Variants in CNOT10 observed in about 807,000 individuals in gnomAD.
CNOT10 encodes CCR4-NOT transcription complex subunit 10.
CNOT10 carries 30 observed loss-of-function variants against 94.6 expected under a neutral mutation model. That is an observed-to-expected ratio of 0.32 (90% CI 0.24 to 0.43). The LOEUF is 0.43. CNOT10 is among the 20% of genes least tolerant of loss of function. The probability of loss-of-function intolerance (pLI) is 1.00; values close to 1 mark genes in which losing one functional copy is unlikely to be tolerated. For synonymous variants in CNOT10, 289 were observed against 301.6 expected, an observed-to-expected ratio of 0.96 and a Z score of 0.43; for missense variants, 759 against 877.2, an observed-to-expected ratio of 0.87 and a Z score of 1.70.
intron 1 of CNOT10, among the ~76,000 whole-genome samples, chr3:32,694,009 A>G (rs1275023361): frequency 1.3e-5 from 2 of 152,170 alleles, no homozygotes; most frequent in Non-Finnish European, 2.9e-5. Context: ...AGTTATTCTC[A>G]GGAAATTTTT....
chr3:32,744,201 C>T (rs534273302), intron 13 of CNOT10, among the ~76,000 whole-genome samples: 1 of 152,274 alleles, frequency 6.6e-6, no homozygotes, highest in South Asian at 2.1e-4. Context: ...GGAGCCTGAG[C>T]ACTGTGTTTT....
At chr3:32,759,019 G>A (rs937310175) in intron 13 of CNOT10, among the ~76,000 whole-genome samples, 2 of 152,026 alleles carry the variant, frequency 1.3e-5, no homozygotes, top group African/African-American at 2.4e-5. Context: ...TTATTTCTTA[G>A]CATATCACAA....
At chr3:32,770,982 G>A (rs1050871880) in intron 18 of CNOT10, among the ~76,000 whole-genome samples, 6 of 152,022 alleles carry the variant, frequency 3.9e-5, no homozygotes, top group African/African-American at 1.2e-4. Context: ...TAAAGTGCTG[G>A]GATTATAGGC....
intron 6 of CNOT10, 52 bp from the exon 7 acceptor site, chr3:32,717,102 C>T: frequency 9.6e-7 from 1 of 1,036,420 alleles, no homozygotes; most frequent in Admixed American, 2.2e-5. Context: ...GAAAGTAAAA[C>T]TGTATGTAAA....
Position 32,759,550 on chromosome 3 carries a change from C to T in CNOT10, c.1688C>T (p.Pro563Leu). The change falls in exon 14 of 19, where the codon CCC becomes CTC. Residue 563 changes from proline (P) to leucine (L), a missense_variant. By Grantham distance (98) the Pro-to-Leu change is moderately conservative (BLOSUM62 -3). Transcript: ENST00000328834. Reference sequence around the variant, plus strand: ...CATGCAGATAAACTTCTTCAGCAGCCCAAGCTGTCAGGATCTCTTAAGTAA... The same window carrying T: ...CATGCAGATAAACTTCTTCAGCAGCTCAAGCTGTCAGGATCTCTTAAGTAA... ...LNHADKLLQQ[P>L]KLSGSLKFLG... The T allele has an allele frequency of 6.2e-7, 1 of 1,613,728 alleles. No individual in the cohort carries two copies. Among genetic ancestry groups the T allele is most frequent in the South Asian group, 1.1e-5 (1 of 91,062 alleles).
At chr3:32,762,904 C>T (rs376578068) in intron 15 of CNOT10, 41 bp downstream of exon 15, 308 of 1,462,946 alleles carry the variant, frequency 2.1e-4, no homozygotes, top group Non-Finnish European at 2.7e-4. Context: ...TCACTGTTTC[C>T]ATTTCCCTCC....
chr3:32,700,706 C>T (rs1164900139), intron 1 of CNOT10, among the ~76,000 whole-genome samples: 2 of 152,124 alleles, frequency 1.3e-5, no homozygotes, highest in African/African-American at 4.8e-5. Context: ...GAAAAAAATT[C>T]CTGTATAAAT....
chr3:32,724,716 G>A (rs534545956), intron 8 of CNOT10, among the ~76,000 whole-genome samples: 1 of 151,408 alleles, frequency 6.6e-6, no homozygotes, highest in Admixed American at 6.6e-5. Context: ...CCAGCCCAAT[G>A]CCTGGCTAAT....
At chr3:32,687,459 T>TTTTTGTTTTTG (rs1553627025) in intron 1 of CNOT10, among the ~76,000 whole-genome samples, 5 of 110,120 alleles carry the variant, frequency 4.5e-5, no homozygotes, top group African/African-American at 9.7e-5. Flanking sequence ...TTTGTTTTTT[T>TTTTTGTTTTTG]TTTTTTTTTT....
At chr3:32,703,727 A>T in intron 1 of CNOT10, 141 bp from the exon 2 acceptor site, 2 of 608,124 alleles carry the variant, frequency 3.3e-6, no homozygotes, top group Non-Finnish European at 5.9e-6. Flanking sequence ...AAACTTAAGA[A>T]CTGCTTATTT....
intron 13 of CNOT10, among the ~76,000 whole-genome samples, chr3:32,741,169 A>T (rs1185629479): frequency 6.6e-6 from 1 of 152,186 alleles, no homozygotes; most frequent in Non-Finnish European, 1.5e-5. Flanking sequence ...GGAATCATAC[A>T]GCATGTAACC....
intron 13 of CNOT10, among the ~76,000 whole-genome samples, chr3:32,757,997 G>T (rs1001657019): frequency 6.6e-6 from 1 of 152,214 alleles, no homozygotes; most frequent in South Asian, 2.1e-4. Flanking sequence ...TACCTATGTT[G>T]TGTATGCCTA....
At chr3:32,742,239 T>C (rs1047951872) in intron 13 of CNOT10, among the ~76,000 whole-genome samples, 6 of 152,080 alleles carry the variant, frequency 3.9e-5, no homozygotes, top group African/African-American at 1.4e-4. Context: ...TCCCAGCACC[T>C]GGCCTGTTAT....
At chr3:32,755,205 C>T (rs1375694341) in intron 13 of CNOT10, among the ~76,000 whole-genome samples, 1 of 150,360 alleles carries the variant, frequency 6.7e-6, no homozygotes, top group South Asian at 2.1e-4. Flanking sequence ...GAGATCATGC[C>T]ATTGCACTCT....
chr3:32,767,068 G>A (rs552208266), intron 17 of CNOT10, among the ~76,000 whole-genome samples: 1 of 152,318 alleles, frequency 6.6e-6, no homozygotes, highest in African/African-American at 2.4e-5. Flanking sequence ...TTCCTAAAAA[G>A]GGAATTGCAT....
intron 3 of CNOT10, among the ~76,000 whole-genome samples, chr3:32,707,683 G>A (rs140160423): frequency 4.8e-4 from 73 of 152,160 alleles, no homozygotes; most frequent in African/African-American, 1.6e-3. Context: ...CATGCCTGTA[G>A]TCCGAGCTAC....
In CNOT10 at chr3:32,694,596, T is replaced by G. The variant is rs896171311; in HGVS notation, c.22+9114T>G. On this transcript the variant is annotated intron_variant, in intron 1 of 18. Transcript: ENST00000328834. ...TTTTCTTCTTTCAGTTTTTTGTTTG[T>G]TTGTTTGTTTTTTGAGGCAGTCTTG... Among the ~76,000 whole-genome samples the G allele has an allele frequency of 2.0e-5, 3 of 152,204 alleles. No individual in the cohort carries two copies. In the East Asian group the frequency reaches 5.8e-4, roughly 29 times the overall value.
intron 18 of CNOT10, among the ~76,000 whole-genome samples, chr3:32,772,107 T>TA (rs1175080705): frequency 6.6e-6 from 1 of 152,088 alleles, no homozygotes; most frequent in Non-Finnish European, 1.5e-5. Context: ...TCCCAACACT[T>TA]TGGGAGGCCG....
intron 1 of CNOT10, among the ~76,000 whole-genome samples, chr3:32,687,439 GTTTTTTTTTTTTGT>G (rs1207052362): frequency 9.7e-5 from 5 of 51,322 alleles, no homozygotes; most frequent in Non-Finnish European, 1.7e-4. Flanking sequence ...AGTCCTCACG[GTTTTTTTTTTTTGT>G]TTTTTTTTTT....
Sources: gnomAD v4.1 joint callset for allele counts (sites outside exome capture counted in the v4.1 genomes callset) on GRCh38, gnomAD v4.1.1 for gene constraint, MANE v1.5 for transcripts, NCBI Gene and HGNC (gene_info 2026-07-23, HGNC 2026-07-21) for gene names.